Variants in CDH18 observed in about 807,000 individuals in gnomAD.
CDH18 encodes the protein cadherin 18.
Under a neutral mutation model 67.9 loss-of-function variants are expected in CDH18, and 31 were observed. That is an observed-to-expected ratio of 0.46 (90% CI 0.34 to 0.62). The LOEUF is 0.62. Among genes scored for constraint, CDH18 ranks in the 20% least tolerant of loss-of-function variants. The pLI is 0.01. For synonymous variants in CDH18, 362 were observed against 347.2 expected, an observed-to-expected ratio of 1.04 and a Z score of -0.48; for missense variants, 890 against 975.5, an observed-to-expected ratio of 0.91 and a Z score of 1.17.
intron 1 of CDH18, among the ~76,000 whole-genome samples, chr5:20,393,846 C>G (rs534461055): frequency 6.6e-6 from 1 of 151,722 alleles, no homozygotes; most frequent in East Asian, 1.9e-4. Flanking sequence ...TACCTCTAAC[C>G]AAGGAGGTAA....
At chr5:19,920,807 C>T (rs1248164051) in intron 2 of CDH18, among the ~76,000 whole-genome samples, 14 of 151,584 alleles carry the variant, frequency 9.2e-5, no homozygotes, top group African/African-American at 2.9e-4. Flanking sequence ...CCACCGTGCC[C>T]GGCCCCATTT....
intron 1 of CDH18, among the ~76,000 whole-genome samples, chr5:20,256,766 A>G (rs1744263845): frequency 6.6e-6 from 1 of 152,054 alleles, no homozygotes; most frequent in Admixed American, 6.6e-5. Flanking sequence ...GGAGTTGAAG[A>G]GAGTCTGAAG....
At chr5:20,262,773 C>T (rs1172171540) in intron 1 of CDH18, among the ~76,000 whole-genome samples, 3 of 151,844 alleles carry the variant, frequency 2.0e-5, no homozygotes, top group African/African-American at 4.8e-5. Context: ...TATATACAAT[C>T]GTATTTGTAA....
Position 20,407,401 on chromosome 5 carries a change from G to C in CDH18, c.-579-151896C>G, listed in dbSNP as rs189639592. Among the ~76,000 whole-genome samples, 305 of 151,980 alleles carry C rather than the reference G, an allele frequency of 2.0e-3. 2 individuals carry two copies. The highest frequency in any genetic ancestry group is 7.1e-3 in the African/African-American group (294 of 41,462). ...GTTTTAGAGAACCCCCAGAATCTCC[G>C]GCTGGGTTGGTTGGTGATGATTTTC... On this transcript the variant is annotated intron_variant, in intron 1 of 14. Coordinates refer to the CDH18 transcript ENST00000507958.
chr5:19,846,641 A>T (rs1782988496), intron 2 of CDH18, among the ~76,000 whole-genome samples: 1 of 152,132 alleles, frequency 6.6e-6, no homozygotes, highest in Non-Finnish European at 1.5e-5. Flanking sequence ...GTTCCACATG[A>T]CCAACTGCTG....
At chr5:19,554,331 T>C (rs779579489) in intron 8 of CDH18, among the ~76,000 whole-genome samples, 9 of 152,134 alleles carry the variant, frequency 5.9e-5, no homozygotes, top group Non-Finnish European at 1.2e-4. Flanking sequence ...CAAAACCTTA[T>C]TAGAATTTTT....
intron 2 of CDH18, among the ~76,000 whole-genome samples, chr5:20,037,538 T>A (rs1739985662): frequency 6.6e-6 from 1 of 152,022 alleles, no homozygotes; most frequent in African/African-American, 2.4e-5. Context: ...AAATTAGAAT[T>A]CAGGATTAAG....
chr5:19,790,769 G>T (rs373330941), intron 3 of CDH18, among the ~76,000 whole-genome samples: 3 of 152,218 alleles, frequency 2.0e-5, no homozygotes, highest in East Asian at 3.9e-4. Flanking sequence ...GGGGAAAGGG[G>T]ATACCAATTA....
At chr5:20,279,691 C>T (rs1219853297) in intron 1 of CDH18, among the ~76,000 whole-genome samples, 1 of 56,660 alleles carries the variant, frequency 1.8e-5, no homozygotes, top group Non-Finnish European at 3.4e-5. Context: ...AAAAGAGAAG[C>T]TCTGTCTCAA....
At chr5:19,722,816 T>A (rs1766285463) in intron 4 of CDH18, among the ~76,000 whole-genome samples, 1 of 152,150 alleles carries the variant, frequency 6.6e-6, no homozygotes. Context: ...AATCAATTGA[T>A]CTTGTATGGA....
intron 11 of CDH18, among the ~76,000 whole-genome samples, chr5:19,500,977 C>CA (rs1032186492): frequency 5.3e-5 from 8 of 151,000 alleles, no homozygotes; most frequent in African/African-American, 1.9e-4. Flanking sequence ...CTAAAAAATA[C>CA]AAAAAAATTG....
intron 2 of CDH18, among the ~76,000 whole-genome samples, chr5:20,247,664 T>G (rs1743487698): frequency 6.6e-6 from 1 of 150,568 alleles, no homozygotes; most frequent in Admixed American, 6.7e-5. Context: ...CTAGGGAGGC[T>G]GAGGCAGGAG....
At chr5:19,953,277 C>T (rs1795972012) in intron 2 of CDH18, among the ~76,000 whole-genome samples, 1 of 151,978 alleles carries the variant, frequency 6.6e-6, no homozygotes, top group Non-Finnish European at 1.5e-5. Context: ...AGTCTGTGTA[C>T]AGAATCAATA....
intron 2 of CDH18, among the ~76,000 whole-genome samples, chr5:20,199,207 C>T (rs1369978120): frequency 1.3e-5 from 2 of 152,178 alleles, no homozygotes; most frequent in African/African-American, 4.8e-5. Flanking sequence ...ATCTGGAAAA[C>T]CCATAGACAC....
intron 1 of CDH18, among the ~76,000 whole-genome samples, chr5:20,338,903 C>T (rs375434542): frequency 5.5e-4 from 83 of 152,274 alleles, no homozygotes; most frequent in African/African-American, 2.0e-3. Flanking sequence ...AGAGCTAGGG[C>T]TTTGCCCAGG....
intron 1 of CDH18, among the ~76,000 whole-genome samples, chr5:20,416,245 A>G (rs1747299620): frequency 6.6e-6 from 1 of 152,160 alleles, no homozygotes. Flanking sequence ...TTTAAATTAC[A>G]AGGTCATCAT....
In CDH18 at chr5:20,389,339, C is replaced by T. The variant is rs997701285; in HGVS notation, c.-579-133834G>A. On this transcript the variant is annotated intron_variant, in intron 1 of 14. Coordinates refer to the CDH18 transcript ENST00000507958. ...CTTTGTCTCTTTTGATCTTTGTTGG[C>T]TTAAAGTCTGTTTTTTCAGAGACTA... Among the ~76,000 whole-genome samples the T allele has an allele frequency of 2.0e-5, 3 of 152,126 alleles. No homozygotes were observed. In the East Asian group the frequency reaches 5.8e-4, roughly 29 times the overall value.
chr5:20,132,524 T>C (rs1369760), intron 2 of CDH18, among the ~76,000 whole-genome samples: 148,010 of 152,176 alleles, frequency 0.97, 72,135 homozygotes, highest in Middle Eastern at 1. Flanking sequence ...GCCCATTTCC[T>C]GGTCCTGGAT....
At chr5:19,579,131 C>CT (rs1177888658) in intron 7 of CDH18, among the ~76,000 whole-genome samples, 2 of 151,872 alleles carry the variant, frequency 1.3e-5, no homozygotes, top group African/African-American at 2.4e-5. Context: ...TTTTAAAATA[C>CT]TTTATCTATC....
Sources: allele counts gnomAD v4.1 joint callset (sites outside exome capture counted in the v4.1 genomes callset), GRCh38; gene constraint gnomAD v4.1.1; transcripts MANE v1.5; gene names NCBI Gene and HGNC (gene_info 2026-07-23, HGNC 2026-07-21).